Variants in ENOX1 observed in about 807,000 individuals in gnomAD.
ENOX1 encodes the protein candidate growth-related and time keeping constitutive hydroquinone (NADH) oxidase.
A neutral mutation model predicts 82.5 loss-of-function variants in ENOX1; 42 were observed. The ratio of observed to expected loss-of-function variants is 0.51; its 90% CI spans 0.40 to 0.66. ENOX1 has a LOEUF of 0.66. Ranked by LOEUF, ENOX1 falls within the 30% of genes least tolerant of loss-of-function variation. The pLI is 0.00. For synonymous variants in ENOX1, 271 were observed against 282.2 expected, an observed-to-expected ratio of 0.96 and a Z score of 0.40; for missense variants, 608 against 811.6, an observed-to-expected ratio of 0.75 and a Z score of 3.05.
At chr13:43,781,074 A>C (rs1167281310) in intron 1 of ENOX1, among the ~76,000 whole-genome samples, 1 of 152,254 alleles carries the variant, frequency 6.6e-6, no homozygotes, top group Non-Finnish European at 1.5e-5. Context: ...ATTTGTGGAA[A>C]ATAAATAGCC....
At chr13:43,292,014 A>G (rs1444667369) in intron 12 of ENOX1, among the ~76,000 whole-genome samples, 1 of 152,132 alleles carries the variant, frequency 6.6e-6, no homozygotes, top group Non-Finnish European at 1.5e-5. Context: ...CTTCACAGAA[A>G]AGCAAACCAA....
chr13:43,661,748 A>G (rs2153785942), intron 2 of ENOX1, among the ~76,000 whole-genome samples: 1 of 152,316 alleles, frequency 6.6e-6, no homozygotes, highest in South Asian at 2.1e-4. Context: ...AGATACAGGC[A>G]GCCCAGTAAA....
intron 2 of ENOX1, among the ~76,000 whole-genome samples, chr13:43,543,567 T>C (rs2078837368): frequency 6.6e-6 from 1 of 151,812 alleles, no homozygotes; most frequent in South Asian, 2.1e-4. Context: ...AGTACAGGAC[T>C]GTTATGTTAA....
chr13:43,366,240 G>A (rs1445704144), intron 5 of ENOX1, among the ~76,000 whole-genome samples: 1 of 151,226 alleles, frequency 6.6e-6, no homozygotes, highest in Non-Finnish European at 1.5e-5. Flanking sequence ...TGATCTTAAA[G>A]TCAAGGGATC....
At chr13:43,390,670 A>G (rs192631712) in intron 5 of ENOX1, among the ~76,000 whole-genome samples, 19 of 152,254 alleles carry the variant, frequency 1.2e-4, no homozygotes, top group African/African-American at 4.1e-4. Context: ...AACCATTTCC[A>G]AAAGTGTACT....
chr13:43,651,906 C>T (rs1188536584), intron 2 of ENOX1, among the ~76,000 whole-genome samples: 7 of 132,626 alleles, frequency 5.3e-5, no homozygotes, highest in African/African-American at 1.7e-4. Context: ...ACCCAGGAGT[C>T]GGAGGTTGCG....
chr13:43,279,534 G>C (rs1469767897), intron 12 of ENOX1, among the ~76,000 whole-genome samples: 2 of 152,170 alleles, frequency 1.3e-5, no homozygotes, highest in African/African-American at 4.8e-5. Context: ...CTCTTCTACA[G>C]ATGATTTTCT....
At chr13:43,661,250 G>C (rs1178215603) in intron 2 of ENOX1, among the ~76,000 whole-genome samples, 1 of 152,172 alleles carries the variant, frequency 6.6e-6, no homozygotes, top group Admixed American at 6.5e-5. Context: ...ATATTGCCTG[G>C]AGCAGAACTG....
chr13:43,349,346 A>G (rs932134149), intron 8 of ENOX1, among the ~76,000 whole-genome samples: 4 of 152,208 alleles, frequency 2.6e-5, no homozygotes, highest in African/African-American at 7.2e-5. Context: ...ATAACTCAAA[A>G]ATGTTTTTGA....
At chr13:43,299,890 C>A (rs1348384592) in intron 11 of ENOX1, among the ~76,000 whole-genome samples, 1 of 152,168 alleles carries the variant, frequency 6.6e-6, no homozygotes, top group African/African-American at 2.4e-5. Flanking sequence ...GTCAGAGGAC[C>A]AAATCAAGGT....
At chr13:43,378,948 C>A (rs943966711) in intron 5 of ENOX1, among the ~76,000 whole-genome samples, 32 of 151,958 alleles carry the variant, frequency 2.1e-4, no homozygotes, top group Admixed American at 1.6e-3. Context: ...TCACAAGAGT[C>A]CTAAAAAGGG....
At chr13:43,283,796 GT>G (rs999263438) in intron 12 of ENOX1, among the ~76,000 whole-genome samples, 1 of 151,314 alleles carries the variant, frequency 6.6e-6, no homozygotes, top group African/African-American at 2.4e-5. Flanking sequence ...ACTGTTACTA[GT>G]TTTTTTTCCT....
At chr13:43,558,052 G>C (rs779789697) in intron 2 of ENOX1, among the ~76,000 whole-genome samples, 4 of 152,174 alleles carry the variant, frequency 2.6e-5, no homozygotes, top group Non-Finnish European at 5.9e-5. Flanking sequence ...CCATCCATGA[G>C]AGCTGCACCA....
At chr13:43,612,916 C>A (rs2082257928) in intron 2 of ENOX1, among the ~76,000 whole-genome samples, 1 of 152,040 alleles carries the variant, frequency 6.6e-6, no homozygotes, top group Admixed American at 6.6e-5. Flanking sequence ...AAATATTAAG[C>A]TTTACATTTT....
intron 14 of ENOX1, among the ~76,000 whole-genome samples, chr13:43,238,791 T>C (rs1292167786): frequency 6.6e-6 from 1 of 152,158 alleles, no homozygotes; most frequent in Non-Finnish European, 1.5e-5. Context: ...AATGAAATTA[T>C]TCAGAATGAG....
At chr13:43,634,909 T>G (rs78693517) in intron 2 of ENOX1, among the ~76,000 whole-genome samples, 179 of 152,346 alleles carry the variant, frequency 1.2e-3, no homozygotes, top group African/African-American at 4.2e-3. Flanking sequence ...TAGAACATGT[T>G]TCTACATCAT....
intron 14 of ENOX1, among the ~76,000 whole-genome samples, chr13:43,237,312 C>T (rs575322966): frequency 2.0e-4 from 31 of 152,226 alleles, no homozygotes; most frequent in African/African-American, 5.8e-4. Flanking sequence ...GCCAATAACA[C>T]GTGAAACATT....
chr13:43,719,162 C>T (rs1727612318), intron 1 of ENOX1, among the ~76,000 whole-genome samples: 1 of 152,122 alleles, frequency 6.6e-6, no homozygotes, highest in South Asian at 2.1e-4. Flanking sequence ...GAGCTAGTTA[C>T]TCTTCTAAGT....
intron 3 of ENOX1, among the ~76,000 whole-genome samples, chr13:43,423,534 A>G (rs1043339185): frequency 6.6e-6 from 1 of 152,194 alleles, no homozygotes. Flanking sequence ...TGTCTCCAAA[A>G]TGTTTCTGAC....
Sources: gnomAD v4.1 joint callset for allele counts (sites outside exome capture counted in the v4.1 genomes callset) on GRCh38, gnomAD v4.1.1 for gene constraint, MANE v1.5 for transcripts, NCBI Gene and HGNC (gene_info 2026-07-23, HGNC 2026-07-21) for gene names.